Variants in TEX14 observed in about 807,000 individuals in gnomAD.
TEX14 encodes the protein inactive serine/threonine-protein kinase TEX14.
A neutral mutation model predicts 178.6 loss-of-function variants in TEX14; 168 were observed. The ratio of observed to expected loss-of-function variants is 0.94; its 90% CI spans 0.83 to 1.07. The LOEUF (loss-of-function observed/expected upper bound fraction) is 1.07. Ranked by LOEUF, TEX14 falls within the 50% of genes least tolerant of loss-of-function variation. The pLI is 0.00. For synonymous variants in TEX14, 626 were observed against 634.1 expected, an observed-to-expected ratio of 0.99 and a Z score of 0.19; for missense variants, 1,730 against 1,753.6, an observed-to-expected ratio of 0.99 and a Z score of 0.24.
rs368612584 is a variant in TEX14, at chr17:58,652,016, G to C, written c.-1-14C>G. 128 of 1,520,816 alleles carry C rather than the reference G, an allele frequency of 8.4e-5. No individual in the cohort carries two copies. Among genetic ancestry groups the C allele is most frequent in the Non-Finnish European group, 1.0e-4 (114 of 1,135,740 alleles). 94.2% of individuals were successfully genotyped at this position (1,520,816 alleles called of 1,614,324 possible). A position where few individuals can be genotyped will look rare whatever the true frequency, so the allele number is the denominator to read the frequency against. On this transcript the variant is annotated splice_polypyrimidine_tract_variant and intron_variant, in intron 1 of 31. Coordinates refer to ENST00000349033, the MANE Select transcript of TEX14 (RefSeq NM_031272.5). ...GCCCGAGACATCCTGTTCCAAAAGA[G>C]AGCAATATGCTTATTTTAACTGAAC...
intron 9 of TEX14, among the ~76,000 whole-genome samples, chr17:58,612,418 G>A (rs2045767204): frequency 6.6e-6 from 1 of 151,998 alleles, no homozygotes. Context: ...GTGGGACCAT[G>A]ATTCTATTAA....
At chr17:58,562,269 T>C (rs1164210399) in intron 28 of TEX14, among the ~76,000 whole-genome samples, 1 of 152,180 alleles carries the variant, frequency 6.6e-6, no homozygotes, top group Non-Finnish European at 1.5e-5. Flanking sequence ...CTTTCCTACA[T>C]GTTTTTCCAA....
chr17:58,621,862 G>C, intron 4 of TEX14, 76 bp from the exon 5 acceptor site: 1 of 1,487,274 alleles, frequency 6.7e-7, no homozygotes, highest in Non-Finnish European at 9.0e-7. Flanking sequence ...ATGAAGATAA[G>C]TGGTCCGAGG....
At chr17:58,603,933 GTGTGT>G (rs2045541710) in intron 11 of TEX14, among the ~76,000 whole-genome samples, 1 of 120,704 alleles carries the variant, frequency 8.3e-6, no homozygotes, top group Non-Finnish European at 1.9e-5. Flanking sequence ...GTGTGTGTGT[GTGTGT>G]GTGTGTGTCT....
chr17:58,571,883 G>A, intron 24 of TEX14, 38 bp downstream of exon 24: 1 of 1,585,324 alleles, frequency 6.3e-7, no homozygotes, highest in Non-Finnish European at 8.7e-7. Flanking sequence ...CCTTTGGGCT[G>A]ACTCCATGAG....
At chr17:58,616,825 G>C (rs1200156517) in intron 6 of TEX14, among the ~76,000 whole-genome samples, 3 of 152,208 alleles carry the variant, frequency 2.0e-5, no homozygotes, top group Admixed American at 2.0e-4. Flanking sequence ...ATGGAAAGAA[G>C]TCAGATGCCT....
At chr17:58,650,480 T>C (rs946140781) in intron 2 of TEX14, among the ~76,000 whole-genome samples, 1 of 152,224 alleles carries the variant, frequency 6.6e-6, no homozygotes, top group Admixed American at 6.5e-5. Flanking sequence ...CAGTGTGAGC[T>C]ACTTCACCTA....
At chr17:58,611,134 G>A in intron 10 of TEX14, 27 bp downstream of exon 10, 1 of 1,587,832 alleles carries the variant, frequency 6.3e-7, no homozygotes, top group South Asian at 1.1e-5. Context: ...AACTTCAGGA[G>A]AAAGTCCCAC....
At position 58,599,411 on chromosome 17, in the gene TEX14, G is replaced by C; in HGVS notation, c.1934C>G (p.Ser645Cys). 1 of 1,614,182 alleles carries C rather than the reference G, an allele frequency of 6.2e-7. No homozygotes were observed. The highest frequency in any genetic ancestry group is 1.1e-5 in the South Asian group (1 of 91,082). ...DIEEPPGAAS[S>C]LEADGPNQVD... ...CTGGTTAGGTCCGTCTGCCTCCAAA[G>C]ATGAAGCAGCTCCTGGAGGCTCTTC... Residue 645 changes from serine to cysteine, a missense_variant, in exon 14 of 32, where the codon TCT (serine) becomes TGT (cysteine). Physicochemically the swap from Ser to Cys is moderately radical, Grantham distance 112 (BLOSUM62 -1). Around this residue, in one of 2 missense-constraint regions of TEX14, gnomAD observed 941 missense variants for 1,072.4 expected, o/e 0.88. Transcript: ENST00000349033.
chr17:58,566,358 G>T (rs2044398199), intron 26 of TEX14, among the ~76,000 whole-genome samples: 1 of 152,102 alleles, frequency 6.6e-6, no homozygotes, highest in African/African-American at 2.4e-5. Flanking sequence ...TGGTAAAATT[G>T]GTAAAAATCC....
At chr17:58,657,193 C>G (rs1317273158) in intron 1 of TEX14, among the ~76,000 whole-genome samples, 1 of 151,986 alleles carries the variant, frequency 6.6e-6, no homozygotes, top group Non-Finnish European at 1.5e-5. Context: ...TGATCTCGAA[C>G]TCCTGGGCTC....
At chr17:58,651,150 G>A (rs908999132) in intron 2 of TEX14, among the ~76,000 whole-genome samples, 1 of 152,134 alleles carries the variant, frequency 6.6e-6, no homozygotes, top group Non-Finnish European at 1.5e-5. Flanking sequence ...GGTGGCTTAC[G>A]CCTATAGTCC....
intron 16 of TEX14, 32 bp from the exon 17 acceptor site, chr17:58,587,698 G>A (rs766810534): frequency 3.2e-5 from 48 of 1,479,170 alleles, no homozygotes; most frequent in Non-Finnish European, 4.3e-5. Context: ...GAGGTAGGGG[G>A]AGCGGGGTGG....
At chr17:58,621,215 G>A (rs1295549526) in intron 5 of TEX14, among the ~76,000 whole-genome samples, 3 of 152,166 alleles carry the variant, frequency 2.0e-5, no homozygotes, top group Non-Finnish European at 2.9e-5. Flanking sequence ...CAAGTCTCTC[G>A]TATCAGCTGA....
intron 1 of TEX14, chr17:58,660,471 G>A: frequency 1.7e-6 from 1 of 604,532 alleles, no homozygotes; most frequent in East Asian, 2.7e-5. Flanking sequence ...AAGCATCTTT[G>A]CCTTCGTTTT....
intron 1 of TEX14, among the ~76,000 whole-genome samples, chr17:58,676,415 C>A (rs1055182141): frequency 7.9e-5 from 12 of 151,230 alleles, no homozygotes; most frequent in Non-Finnish European, 3.0e-5. Context: ...ACAAAAAAAC[C>A]CAGGCGTGGT....
At chr17:58,641,602 G>T (rs1007983994) in intron 2 of TEX14, among the ~76,000 whole-genome samples, 1 of 151,540 alleles carries the variant, frequency 6.6e-6, no homozygotes, top group African/African-American at 2.4e-5. Flanking sequence ...CCAGGTTCAG[G>T]TTCAAGTGAT....
rs770950047 is a variant in TEX14, at chr17:58,592,915, C to T, written c.2576+640G>A. 4.0e-5 allele frequency among the ~76,000 whole-genome samples: 6 copies of T among 151,856 alleles called. No homozygotes were observed. In the South Asian group the frequency reaches 1.0e-3, roughly 26 times the overall value. On this transcript the variant is annotated intron_variant, in intron 15 of 31. Transcript: ENST00000349033. The stretch of plus-strand genomic sequence containing the variant: ...ATATGTATGTATGTATACACATGCA[C>T]GAATATATGTGTATATGCATATATA...
chr17:58,609,932 T>C (rs1274545364), intron 10 of TEX14, among the ~76,000 whole-genome samples: 4 of 152,090 alleles, frequency 2.6e-5, no homozygotes, highest in Non-Finnish European at 5.9e-5. Flanking sequence ...GCATCAGTGA[T>C]GGGTAGGTGG....
Sources: gnomAD v4.1 joint callset for allele counts (sites outside exome capture counted in the v4.1 genomes callset) on GRCh38, gnomAD v4.1.1 for gene constraint, gnomAD v4.1.1 regional missense constraint, MANE v1.5 for transcripts, NCBI Gene and HGNC (gene_info 2026-07-23, HGNC 2026-07-21) for gene names.